MOB1B: variants seen among roughly 807,000 people sequenced by gnomAD.
MOB1B encodes MOB1 Mps One Binder homolog B.
In MOB1B, 19 loss-of-function variants were observed where a neutral mutation model predicts 24.4. That is an observed-to-expected ratio of 0.78 (90% CI 0.54 to 1.14). The LOEUF is 1.14. MOB1B is among the 50% of genes most tolerant of loss of function. MOB1B has a pLI of 0.00. For synonymous variants in MOB1B, 76 were observed against 82.1 expected, an observed-to-expected ratio of 0.93 and a Z score of 0.40; for missense variants, 243 against 259.6, an observed-to-expected ratio of 0.94 and a Z score of 0.44.
rs2148906038 is a variant in MOB1B at position 70,982,553 on chromosome 4, A to G, written c.*496A>G. ...TACTGGTGCATGTTGTAACATATCT[A>G]TGATAAAAGCCATAGTTTACCTAAA... On this transcript the variant is annotated 3_prime_UTR_variant, in exon 6 of 6. Coordinates refer to ENST00000309395, the MANE Select transcript of MOB1B (RefSeq NM_173468.4). 1 of 152,870 alleles carries G rather than the reference A, an allele frequency of 6.5e-6. No individual in the cohort carries two copies. The highest frequency in any genetic ancestry group is 2.1e-4 in the South Asian group (1 of 4,832). 9.5% of individuals were successfully genotyped at this position (152,870 alleles called of 1,614,324 possible).
intron 1 of MOB1B, among the ~76,000 whole-genome samples, chr4:70,904,834 T>G (rs1401657808): frequency 6.6e-6 from 1 of 151,842 alleles, no homozygotes; most frequent in Non-Finnish European, 1.5e-5. Context: ...AAGTTTCTGA[T>G]GCTATTTTTT....
Position 70,916,602 on chromosome 4 carries a change from A to G in MOB1B, c.14+14052A>G, listed in dbSNP as rs143334624. Among the ~76,000 whole-genome samples, 1,377 of 151,862 alleles carry G rather than the reference A, an allele frequency of 9.1e-3. 18 individuals carry two copies. The highest frequency in any genetic ancestry group is 0.024 in the Middle Eastern group (7 of 294). On this transcript the variant is annotated intron_variant, in intron 1 of 5. Transcript: ENST00000309395. ...TTTTTTTTTGAGACAGAGTCTTGCT[A>G]TCTTGCCCAGGCTAGAGTGCAATGG... is the stretch of plus-strand genomic sequence containing the variant.
At chr4:70,980,341 G>A (rs1300557653) in intron 5 of MOB1B, among the ~76,000 whole-genome samples, 2 of 152,190 alleles carry the variant, frequency 1.3e-5, no homozygotes, top group African/African-American at 2.4e-5. Context: ...GAACATGATT[G>A]CTAAAGTTCA....
intron 1 of MOB1B, among the ~76,000 whole-genome samples, chr4:70,907,027 C>G (rs1371405138): frequency 2.6e-5 from 4 of 152,192 alleles, no homozygotes; most frequent in African/African-American, 9.7e-5. Context: ...TGAACAAGAG[C>G]TCTCTAAGAA....
chr4:70,922,305 T>G (rs1442389261), intron 1 of MOB1B, among the ~76,000 whole-genome samples: 1 of 152,240 alleles, frequency 6.6e-6, no homozygotes, highest in Non-Finnish European at 1.5e-5. Flanking sequence ...ACTTTAAGAT[T>G]TTAATTTACA....
At chr4:70,973,469 C>CA (rs528813623) in intron 3 of MOB1B, among the ~76,000 whole-genome samples, 2,193 of 47,848 alleles carry the variant, frequency 0.046, 40 homozygotes, top group Admixed American at 0.077. Context: ...GACCCTGTCT[C>CA]AAAAAAAAAA....
intron 1 of MOB1B, among the ~76,000 whole-genome samples, chr4:70,919,746 G>T (rs777644496): frequency 6.6e-6 from 1 of 152,174 alleles, no homozygotes; most frequent in African/African-American, 2.4e-5. Flanking sequence ...TGATCAGCCC[G>T]CCTCGGCCTC....
At chr4:70,980,045 C>G (rs1480779946) in intron 5 of MOB1B, among the ~76,000 whole-genome samples, 1 of 152,108 alleles carries the variant, frequency 6.6e-6, no homozygotes, top group African/African-American at 2.4e-5. Context: ...GGAGAATAAA[C>G]AATTAAACAT....
chr4:70,920,227 CTCCTCT>C (rs979491070), intron 1 of MOB1B, among the ~76,000 whole-genome samples: 8 of 151,842 alleles, frequency 5.3e-5, no homozygotes, highest in African/African-American at 1.2e-4. Context: ...CTTCCTCCTC[CTCCTCT>C]TCCTCTTCCT....
intron 2 of MOB1B, among the ~76,000 whole-genome samples, chr4:70,964,728 G>C (rs994463284): frequency 6.6e-6 from 1 of 151,836 alleles, no homozygotes; most frequent in Admixed American, 6.6e-5. Context: ...TCAGAAGTTC[G>C]GGACCAGCCT....
intron 1 of MOB1B, among the ~76,000 whole-genome samples, chr4:70,944,686 T>A (rs1281355744): frequency 6.6e-6 from 1 of 151,982 alleles, no homozygotes; most frequent in Admixed American, 6.6e-5. Flanking sequence ...CTTACAATCA[T>A]GGCAGAAGGC....
chr4:70,940,064 C>T (rs962853498), intron 1 of MOB1B, among the ~76,000 whole-genome samples: 10 of 152,246 alleles, frequency 6.6e-5, no homozygotes, highest in Non-Finnish European at 1.2e-4. Context: ...TGCCGGTGTG[C>T]TCCACTCGAT....
chr4:70,945,773 A>C (rs965495224), intron 1 of MOB1B, among the ~76,000 whole-genome samples: 1 of 152,196 alleles, frequency 6.6e-6, no homozygotes, highest in African/African-American at 2.4e-5. Flanking sequence ...AACACAGAGA[A>C]GGCATCCTTA....
chr4:70,952,655 A>AC (rs1414297132), intron 1 of MOB1B, among the ~76,000 whole-genome samples: 6 of 151,202 alleles, frequency 4.0e-5, no homozygotes, highest in East Asian at 1.9e-4. Flanking sequence ...AAAAAAAAAA[A>AC]AAAACAAAAC....
intron 1 of MOB1B, among the ~76,000 whole-genome samples, chr4:70,933,066 A>G (rs573495603): frequency 1.3e-5 from 2 of 152,300 alleles, no homozygotes; most frequent in East Asian, 1.9e-4. Context: ...TGTAGGAGGC[A>G]TGGCTGGGGA....
Position 70,984,343 on chromosome 4 carries a change from T to C in MOB1B, c.*2286T>C, listed in dbSNP as rs1353368784. ...GCACATGGTGTTACATGGCTACAAG[T>C]AAGGAAAAAATCAGAAAGTGAAAGA... On this transcript the variant is annotated 3_prime_UTR_variant, in exon 6 of 6. Transcript: ENST00000309395. 3 of 152,068 alleles carry C rather than the reference T, an allele frequency of 2.0e-5. No individual in the cohort carries two copies. Among genetic ancestry groups the C allele is most frequent in the Non-Finnish European group, 2.9e-5 (2 of 67,982 alleles). The allele number at this position is 152,068 out of a possible 1,614,324, so 9.4% of individuals were successfully genotyped here.
chr4:70,956,716 A>C (rs1738069055), intron 1 of MOB1B, among the ~76,000 whole-genome samples: 1 of 152,178 alleles, frequency 6.6e-6, no homozygotes, highest in African/African-American at 2.4e-5. Context: ...CACTGTGCTC[A>C]GCCCTGTGAT....
At chr4:70,907,400 G>A (rs558784424) in intron 1 of MOB1B, among the ~76,000 whole-genome samples, 40 of 151,800 alleles carry the variant, frequency 2.6e-4, no homozygotes, top group African/African-American at 9.7e-4. Flanking sequence ...TTAAATTATG[G>A]GTCTCTTTTG....
intron 4 of MOB1B, among the ~76,000 whole-genome samples, chr4:70,977,782 C>T (rs954643328): frequency 6.6e-6 from 1 of 152,096 alleles, no homozygotes; most frequent in Non-Finnish European, 1.5e-5. Flanking sequence ...GCCTCATCTT[C>T]TGGGCTCAAG....
Sources: allele counts gnomAD v4.1 joint callset (sites outside exome capture counted in the v4.1 genomes callset), GRCh38; gene constraint gnomAD v4.1.1; transcripts MANE v1.5; gene names NCBI Gene and HGNC (gene_info 2026-07-23, HGNC 2026-07-21).